Variants in UBE2E2 observed in about 807,000 individuals in gnomAD.
The protein encoded by UBE2E2 is ubiquitin conjugating enzyme E2 E2, also known as ubiquitin-conjugating enzyme E2 E2.
Under a neutral mutation model 24.7 loss-of-function variants are expected in UBE2E2, and 6 were observed. That is an observed-to-expected ratio of 0.24 (90% CI 0.13 to 0.48). The LOEUF is 0.48. Among genes scored for constraint, UBE2E2 ranks in the 20% least tolerant of loss-of-function variants. The pLI, the probability that UBE2E2 is intolerant of heterozygous loss-of-function variation, is 0.99. For synonymous variants in UBE2E2, 104 were observed against 83.6 expected (o/e 1.24, Z -1.33); for missense variants, 169 against 245.0 (o/e 0.69, Z 2.07).
chr3:23,253,052 C>G (rs551685901), intron 3 of UBE2E2, among the ~76,000 whole-genome samples: 4 of 151,992 alleles, frequency 2.6e-5, no homozygotes, highest in Non-Finnish European at 5.9e-5. Flanking sequence ...TCTTTGGAGG[C>G]ATGCAGAGAT....
intron 3 of UBE2E2, among the ~76,000 whole-genome samples, chr3:23,388,368 T>G (rs1424086233): frequency 6.6e-6 from 1 of 152,226 alleles, no homozygotes; most frequent in Non-Finnish European, 1.5e-5. Context: ...TCTCTGCTAA[T>G]TAATATTGTT....
At chr3:23,301,911 T>A (rs1381931255) in intron 3 of UBE2E2, among the ~76,000 whole-genome samples, 1 of 141,172 alleles carries the variant, frequency 7.1e-6, no homozygotes, top group Non-Finnish European at 1.5e-5. Context: ...TCCCCTTCCT[T>A]AATGTTTCTT....
At chr3:23,241,312 CT>C (rs1429267325) in intron 3 of UBE2E2, among the ~76,000 whole-genome samples, 5 of 152,214 alleles carry the variant, frequency 3.3e-5, no homozygotes, top group African/African-American at 1.2e-4. Context: ...TTGCCACACC[CT>C]CCCAACAGGT....
At chr3:23,414,398 A>G (rs1697574729) in intron 3 of UBE2E2, among the ~76,000 whole-genome samples, 1 of 152,182 alleles carries the variant, frequency 6.6e-6, no homozygotes, top group Admixed American at 6.5e-5. Context: ...ATAAATAAGA[A>G]TTGCTTCCCT....
At chr3:23,471,263 C>A (rs1460769286) in intron 3 of UBE2E2, among the ~76,000 whole-genome samples, 2 of 152,116 alleles carry the variant, frequency 1.3e-5, no homozygotes, top group Non-Finnish European at 2.9e-5. Context: ...AAGATGGTAG[C>A]AGTAGTGACA....
intron 3 of UBE2E2, among the ~76,000 whole-genome samples, chr3:23,437,853 G>A (rs1236424227): frequency 1.3e-5 from 2 of 152,198 alleles, no homozygotes; most frequent in Admixed American, 6.5e-5. Flanking sequence ...CACAGGACAG[G>A]TGGCCACTTA....
At chr3:23,527,926 G>A (rs529665312) in intron 4 of UBE2E2, among the ~76,000 whole-genome samples, 3 of 151,998 alleles carry the variant, frequency 2.0e-5, no homozygotes, top group Non-Finnish European at 2.9e-5. Context: ...GTAAAGGTAA[G>A]TAAAACGCAT....
intron 3 of UBE2E2, among the ~76,000 whole-genome samples, chr3:23,283,790 C>T (rs1158029261): frequency 6.6e-6 from 1 of 152,130 alleles, no homozygotes; most frequent in African/African-American, 2.4e-5. Context: ...AAAGTGTGCT[C>T]TCCAGAGGTC....
At chr3:23,296,236 C>A (rs149344419) in intron 3 of UBE2E2, among the ~76,000 whole-genome samples, 1 of 152,108 alleles carries the variant, frequency 6.6e-6, no homozygotes. Flanking sequence ...TTTTAACTGG[C>A]CTCACACTAG....
chr3:23,322,509 A>G (rs1255712270), intron 3 of UBE2E2, among the ~76,000 whole-genome samples: 3 of 152,014 alleles, frequency 2.0e-5, no homozygotes, highest in Non-Finnish European at 4.4e-5. Context: ...TTTAAAAATT[A>G]TTTTCTGTAA....
chr3:23,379,782 G>T (rs1332080760), intron 3 of UBE2E2, among the ~76,000 whole-genome samples: 1 of 152,124 alleles, frequency 6.6e-6, no homozygotes, highest in Non-Finnish European at 1.5e-5. Context: ...CCTTTACGTT[G>T]AAATTCTGAA....
chr3:23,429,851 C>T (rs1698015403), intron 3 of UBE2E2, among the ~76,000 whole-genome samples: 1 of 152,148 alleles, frequency 6.6e-6, no homozygotes, highest in East Asian at 1.9e-4. Context: ...ATACAAATGT[C>T]AATTGCTTTC....
In UBE2E2 at chr3:23,447,583, A is replaced by G. The variant is rs530680043; in HGVS notation, c.228-52025A>G. 2.0e-5 allele frequency among the ~76,000 whole-genome samples: 3 copies of G among 152,334 alleles called. No homozygotes were observed. In the South Asian group the frequency reaches 6.2e-4, roughly 32 times the overall value. The stretch of plus-strand genomic sequence containing the variant: ...ACAAAGGACTACATTTTGTGGAAAA[A>G]CAATTATCTCTGAGCTGAAAAATGA... On this transcript the variant is annotated intron_variant, in intron 3 of 5. Coordinates refer to ENST00000396703, the MANE Select transcript of UBE2E2 (RefSeq NM_152653.4).
At chr3:23,225,313 TA>T (rs1268478958) in intron 3 of UBE2E2, among the ~76,000 whole-genome samples, 1 of 152,090 alleles carries the variant, frequency 6.6e-6, no homozygotes, top group Non-Finnish European at 1.5e-5. Context: ...GAAGTCTAAA[TA>T]TCTGTTTTTT....
intron 4 of UBE2E2, among the ~76,000 whole-genome samples, chr3:23,521,531 GTTGGC>G (rs1243044837): frequency 2.6e-5 from 4 of 152,216 alleles, no homozygotes; most frequent in Non-Finnish European, 1.5e-5. Context: ...AATAAGTGCT[GTTGGC>G]TCAACATAGC....
intron 3 of UBE2E2, among the ~76,000 whole-genome samples, chr3:23,391,865 G>A (rs1360963111): frequency 1.3e-5 from 2 of 152,016 alleles, no homozygotes; most frequent in Non-Finnish European, 2.9e-5. Context: ...TAAATAGAAC[G>A]AAAGGGTGAT....
chr3:23,390,641 TAA>T (rs1696912821), intron 3 of UBE2E2, among the ~76,000 whole-genome samples: 1 of 152,326 alleles, frequency 6.6e-6, no homozygotes, highest in African/African-American at 2.4e-5. Flanking sequence ...TGGCAGCTGC[TAA>T]AAGAGCATTA....
intron 3 of UBE2E2, among the ~76,000 whole-genome samples, chr3:23,426,263 G>A (rs959245441): frequency 1.3e-5 from 2 of 151,986 alleles, no homozygotes; most frequent in African/African-American, 2.4e-5. Flanking sequence ...AACAACAATA[G>A]GTGTATCATA....
chr3:23,369,898 T>C (rs997477286), intron 3 of UBE2E2, among the ~76,000 whole-genome samples: 5 of 152,220 alleles, frequency 3.3e-5, no homozygotes, highest in Non-Finnish European at 5.9e-5. Context: ...CAAGTTTTTA[T>C]AGAGGAAATT....
Sources: allele counts gnomAD v4.1 joint callset (sites outside exome capture counted in the v4.1 genomes callset), GRCh38; gene constraint gnomAD v4.1.1; transcripts MANE v1.5; gene names NCBI Gene and HGNC (gene_info 2026-07-23, HGNC 2026-07-21).